The following SULF2 variants were observed in gnomAD, a reference collection of about 807,000 sequenced individuals.
The protein encoded by SULF2 is extracellular sulfatase Sulf-2.
SULF2 carries 52 observed loss-of-function variants against 107.7 expected under a neutral mutation model. That is an observed-to-expected ratio of 0.48 (90% CI 0.39 to 0.61). SULF2 has a LOEUF of 0.61. Among genes scored for constraint, SULF2 ranks in the 20% least tolerant of loss-of-function variants. The pLI is 0.00. For synonymous variants in SULF2, 460 were observed against 464.3 expected, an observed-to-expected ratio of 0.99 and a Z score of 0.12; for missense variants, 993 against 1,177.3, an observed-to-expected ratio of 0.84 and a Z score of 2.29.
At chr20:47,701,840 T>C (rs1043963054) in intron 4 of SULF2, among the ~76,000 whole-genome samples, 3 of 152,010 alleles carry the variant, frequency 2.0e-5, no homozygotes, top group African/African-American at 7.2e-5. Context: ...GGGAGGGGTG[T>C]CGAGTCGGGG....
At chr20:47,777,529 A>G (rs1349960680) in intron 1 of SULF2, among the ~76,000 whole-genome samples, 3 of 152,240 alleles carry the variant, frequency 2.0e-5, no homozygotes, top group Admixed American at 6.5e-5. Context: ...CTGAAAAACC[A>G]GCGCCTGGAC....
Position 47,681,289 on chromosome 20 carries a change from T to C in SULF2, c.1064+1705A>G, listed in dbSNP as rs138311610. Among the ~76,000 whole-genome samples the C allele has an allele frequency of 7.2e-5, 11 of 152,278 alleles. No individual in the cohort carries two copies. In the East Asian group the frequency reaches 2.1e-3, roughly 29 times the overall value. ...CTTTTATCTTACATGCCTTATCTGG[T>C]TCAAAGGTCATTTCTGCTTGCAACC... On this transcript the variant is annotated intron_variant, in intron 7 of 20. Transcript: ENST00000688720.
chr20:47,738,853 C>T (rs1014608528), intron 2 of SULF2, among the ~76,000 whole-genome samples: 6 of 152,160 alleles, frequency 3.9e-5, no homozygotes, highest in Admixed American at 3.3e-4. Context: ...TACAGGGTGT[C>T]TTTGCAGATG....
At chr20:47,682,103 G>A (rs540498171) in intron 7 of SULF2, among the ~76,000 whole-genome samples, 1 of 152,116 alleles carries the variant, frequency 6.6e-6, no homozygotes, top group South Asian at 2.1e-4. Context: ...AAAGACGGGC[G>A]TGATCTGATA....
In SULF2 at chr20:47,699,846, C is replaced by T. The variant is rs137919025; in HGVS notation, c.567+2673G>A. On this transcript the variant is annotated intron_variant, in intron 4 of 20. Coordinates refer to ENST00000688720, the MANE Select transcript of SULF2 (RefSeq NM_001387048.1). Reference sequence around the variant, plus strand: ...TCTGGGCCCACAGTTCTACCTGGGCCTGATCTGCCCCTTTTGGACAGACAC... The same window carrying T: ...TCTGGGCCCACAGTTCTACCTGGGCTTGATCTGCCCCTTTTGGACAGACAC... 3.9e-4 allele frequency among the ~76,000 whole-genome samples: 60 copies of T among 152,352 alleles called. 1 individual carries two copies. The highest frequency in any genetic ancestry group is 1.4e-3 in the African/African-American group (57 of 41,582).
chr20:47,773,702 G>A (rs769566410), intron 1 of SULF2, among the ~76,000 whole-genome samples: 2 of 152,250 alleles, frequency 1.3e-5, no homozygotes, highest in African/African-American at 2.4e-5. Flanking sequence ...AAAGGCCTTT[G>A]GCCAAAAGCA....
chr20:47,695,877 TGCTGGGATTACAG>T (rs1319389191), intron 4 of SULF2, among the ~76,000 whole-genome samples: 1 of 152,256 alleles, frequency 6.6e-6, no homozygotes, highest in African/African-American at 2.4e-5. Context: ...CCTCCCAAAG[TGCTGGGATTACAG>T]GCATGAACCA....
At chr20:47,750,046 A>T (rs968015121) in intron 2 of SULF2, among the ~76,000 whole-genome samples, 15 of 152,324 alleles carry the variant, frequency 9.8e-5, no homozygotes, top group Admixed American at 8.5e-4. Context: ...CAGTGGCGCG[A>T]TCTCAGCTCA....
chr20:47,665,715 G>A lies in SULF2; in HGVS notation c.1902+142C>T, dbSNP rs927818680. The A allele has an allele frequency of 6.2e-5, 42 of 674,176 alleles. No individual in the cohort carries two copies. In the Middle Eastern group the frequency reaches 1.4e-3, roughly 22 times the overall value. 41.8% of individuals were successfully genotyped at this position (674,176 alleles called of 1,614,324 possible). On this transcript the variant is annotated intron_variant, in intron 13 of 20. Transcript: ENST00000688720. ...CATGCTGGGACTGACACCTATCCCC[G>A]CGTTGAGGAATCTGTGGGGACCTCA...
intron 3 of SULF2, among the ~76,000 whole-genome samples, chr20:47,709,980 C>A (rs2088874969): frequency 6.6e-6 from 1 of 151,350 alleles, no homozygotes; most frequent in African/African-American, 2.4e-5. Flanking sequence ...CAGCTCACTG[C>A]AACCTCTGCC....
intron 3 of SULF2, among the ~76,000 whole-genome samples, chr20:47,703,714 A>T (rs2088640528): frequency 6.6e-6 from 1 of 152,254 alleles, no homozygotes; most frequent in Admixed American, 6.5e-5. Context: ...GGTACAAGAC[A>T]TGACAGCACA....
At chr20:47,684,698 C>G in intron 5 of SULF2, 117 bp from the exon 6 acceptor site, 1 of 977,126 alleles carries the variant, frequency 1.0e-6, no homozygotes, top group Non-Finnish European at 1.5e-6. Flanking sequence ...AGCCCAGGGC[C>G]AGGTGTGATC....
At chr20:47,756,781 G>T (rs1271580592) in intron 2 of SULF2, among the ~76,000 whole-genome samples, 1 of 152,038 alleles carries the variant, frequency 6.6e-6, no homozygotes. Flanking sequence ...CAGTAGCTGG[G>T]GTTACAGGTG....
At chr20:47,722,892 C>T (rs2089333644) in intron 3 of SULF2, among the ~76,000 whole-genome samples, 1 of 152,090 alleles carries the variant, frequency 6.6e-6, no homozygotes, top group Non-Finnish European at 1.5e-5. Flanking sequence ...ATGGTGAAAC[C>T]CCATCTCTAC....
In SULF2 at chr20:47,785,464, G is replaced by C. The variant is rs1378955741; in HGVS notation, c.-222C>G. 6.4e-6 allele frequency: 1 copy of C among 157,456 alleles called. No individual in the cohort carries two copies. The highest frequency in any genetic ancestry group is 1.3e-5 in the Non-Finnish European group (1 of 76,652). The allele number at this position is 157,456 out of a possible 1,614,324, so 9.8% of individuals were successfully genotyped here. On this transcript the variant is annotated 5_prime_UTR_variant, in exon 1 of 21. Coordinates refer to ENST00000688720, the MANE Select transcript of SULF2 (RefSeq NM_001387048.1). ...CGCCGCTGCCGCTGCCGCCGCCGCC[G>C]CCGCCGCTGCCGCTGCTGCATCCCC...
At chr20:47,700,938 G>C (rs184266022) in intron 4 of SULF2, among the ~76,000 whole-genome samples, 1 of 152,172 alleles carries the variant, frequency 6.6e-6, no homozygotes, top group Non-Finnish European at 1.5e-5. Flanking sequence ...GAGCCACTGC[G>C]CCTGGCCGGG....
chr20:47,770,894 C>A (rs999957676), intron 1 of SULF2, among the ~76,000 whole-genome samples: 6 of 152,188 alleles, frequency 3.9e-5, no homozygotes, highest in African/African-American at 1.4e-4. Context: ...CCAGGGGGAG[C>A]TGGCTCATCT....
At chr20:47,770,148 T>C (rs915537687) in intron 1 of SULF2, among the ~76,000 whole-genome samples, 5 of 143,418 alleles carry the variant, frequency 3.5e-5, no homozygotes, top group African/African-American at 1.3e-4. Flanking sequence ...GCAACCTCCA[T>C]TTCCCAGGCT....
intron 2 of SULF2, among the ~76,000 whole-genome samples, chr20:47,745,503 G>A (rs1187501377): frequency 8.1e-6 from 1 of 124,014 alleles, no homozygotes; most frequent in East Asian, 2.5e-4. Context: ...CATACAGAAA[G>A]CACTTAATGC....
Sources: gnomAD v4.1 joint callset for allele counts (sites outside exome capture counted in the v4.1 genomes callset) on GRCh38, gnomAD v4.1.1 for gene constraint, MANE v1.5 for transcripts, NCBI Gene and HGNC (gene_info 2026-07-23, HGNC 2026-07-21) for gene names.